Variants in CADM1 observed in about 807,000 individuals in gnomAD.
CADM1 encodes cell adhesion molecule 1.
Under a neutral mutation model 53.1 loss-of-function variants are expected in CADM1, and 15 were observed. The ratio of observed to expected loss-of-function variants is 0.28; its 90% CI spans 0.19 to 0.44. The LOEUF is 0.44. Among genes scored for constraint, CADM1 ranks in the 20% least tolerant of loss-of-function variants. The pLI, the probability that CADM1 is intolerant of heterozygous loss-of-function variation, is 1.00. For missense variants in CADM1, 434 were observed against 611.3 expected (o/e 0.71, Z 3.06); for synonymous variants, 281 against 243.0 (o/e 1.16, Z -1.45).
intron 1 of CADM1, among the ~76,000 whole-genome samples, chr11:115,490,392 A>ATTTTTTTTT (rs35633504): frequency 9.1e-6 from 1 of 109,330 alleles, no homozygotes; most frequent in Non-Finnish European, 1.8e-5. Flanking sequence ...GGAAGAACAG[A>ATTTTTTTTT]TTTTTTTTTT....
Position 115,169,738 on chromosome 11 carries a change from C to A in CADM1, c.*6736G>T. 1 of 419,090 alleles carries A rather than the reference C, an allele frequency of 2.4e-6. No individual in the cohort carries two copies. The highest frequency in any genetic ancestry group is 4.8e-6 in the Non-Finnish European group (1 of 208,764). The allele number at this position is 419,090 out of a possible 1,614,324, so 26.0% of individuals were successfully genotyped here. Reference sequence around the variant, plus strand: ...CCCTTCCATAGCAATACTTTTTAATCAGGTCTGCTGTGTCTGGGCAAACAG... The same window carrying A: ...CCCTTCCATAGCAATACTTTTTAATAAGGTCTGCTGTGTCTGGGCAAACAG... On this transcript the variant is annotated 3_prime_UTR_variant, in exon 12 of 12. Coordinates refer to ENST00000331581, the MANE Select transcript of CADM1 (RefSeq NM_001301043.2).
At chr11:115,232,007 T>TAAC (rs1160314850) in intron 3 of CADM1, among the ~76,000 whole-genome samples, 52 of 90,508 alleles carry the variant, frequency 5.7e-4, no homozygotes, top group South Asian at 1.4e-3. Context: ...ATAATAATAA[T>TAAC]AATAATAACA....
intron 1 of CADM1, among the ~76,000 whole-genome samples, chr11:115,444,790 C>T (rs1948412504): frequency 6.6e-6 from 1 of 152,168 alleles, no homozygotes; most frequent in Non-Finnish European, 1.5e-5. Context: ...CTCTCTTCCT[C>T]ATGTTTAAAA....
At chr11:115,470,898 T>G (rs1948996819) in intron 1 of CADM1, among the ~76,000 whole-genome samples, 1 of 152,192 alleles carries the variant, frequency 6.6e-6, no homozygotes, top group African/African-American at 2.4e-5. Context: ...AATCAATCAC[T>G]GGAAGAAGTG....
intron 1 of CADM1, among the ~76,000 whole-genome samples, chr11:115,253,343 G>A (rs574003262): frequency 3.9e-5 from 6 of 152,218 alleles, no homozygotes; most frequent in Non-Finnish European, 7.4e-5. Context: ...AAGCTATCAG[G>A]TATTGAGACC....
intron 1 of CADM1, among the ~76,000 whole-genome samples, chr11:115,290,256 G>A (rs1943852601): frequency 1.3e-5 from 2 of 152,158 alleles, no homozygotes; most frequent in Non-Finnish European, 2.9e-5. Context: ...TGAGGGGAAT[G>A]TTCATCTACG....
intron 1 of CADM1, among the ~76,000 whole-genome samples, chr11:115,484,044 G>A (rs1289220528): frequency 1.3e-5 from 2 of 152,136 alleles, no homozygotes. Context: ...ATCTCCTAAA[G>A]GTAACATGCA....
intron 1 of CADM1, among the ~76,000 whole-genome samples, chr11:115,413,397 TAAAC>T (rs1323270030): frequency 6.6e-6 from 1 of 152,308 alleles, no homozygotes; most frequent in Admixed American, 6.5e-5. Flanking sequence ...TAATAATTCT[TAAAC>T]AAAAATCAAA....
chr11:115,460,750 G>A (rs1212928707), intron 1 of CADM1, among the ~76,000 whole-genome samples: 1 of 151,300 alleles, frequency 6.6e-6, no homozygotes, highest in East Asian at 1.9e-4. Flanking sequence ...GGAGGTAAAA[G>A]TAACTTTATA....
intron 1 of CADM1, among the ~76,000 whole-genome samples, chr11:115,305,514 T>C (rs1944340617): frequency 6.6e-6 from 1 of 151,970 alleles, no homozygotes; most frequent in Non-Finnish European, 1.5e-5. Flanking sequence ...ATTCTCAATC[T>C]TTTCTCTCCT....
intron 1 of CADM1, among the ~76,000 whole-genome samples, chr11:115,405,851 A>G (rs1313681464): frequency 6.6e-6 from 1 of 152,192 alleles, no homozygotes; most frequent in Non-Finnish European, 1.5e-5. Context: ...TAAACAGTAA[A>G]TTCAGGATTA....
intron 1 of CADM1, among the ~76,000 whole-genome samples, chr11:115,248,616 T>C (rs563921272): frequency 1.6e-4 from 25 of 152,342 alleles, no homozygotes; most frequent in African/African-American, 5.5e-4. Context: ...ATCCTTTTGC[T>C]TTGCACACTG....
chr11:115,293,034 A>C (rs1454020861), intron 1 of CADM1, among the ~76,000 whole-genome samples: 1 of 152,192 alleles, frequency 6.6e-6, no homozygotes, highest in Non-Finnish European at 1.5e-5. Flanking sequence ...ACATTTACCA[A>C]ATGCTGCAGC....
intron 1 of CADM1, among the ~76,000 whole-genome samples, chr11:115,467,822 GA>G (rs532756548): frequency 8.6e-4 from 130 of 151,750 alleles, no homozygotes; most frequent in Non-Finnish European, 1.2e-3. Context: ...TTAAACAAAA[GA>G]AAAAAAATCC....
chr11:115,218,553 C>T (rs1941281381), intron 5 of CADM1, among the ~76,000 whole-genome samples: 2 of 152,120 alleles, frequency 1.3e-5, no homozygotes, highest in Non-Finnish European at 2.9e-5. Context: ...AGAAAAAATA[C>T]TGACATTTAC....
chr11:115,354,398 G>A (rs147084763), intron 1 of CADM1, among the ~76,000 whole-genome samples: 175 of 152,296 alleles, frequency 1.1e-3, no homozygotes, highest in African/African-American at 3.8e-3. Context: ...AACAGAGGAC[G>A]AAGCAACTTC....
At chr11:115,354,553 G>A (rs1203994628) in intron 1 of CADM1, among the ~76,000 whole-genome samples, 2 of 152,168 alleles carry the variant, frequency 1.3e-5, no homozygotes, top group Non-Finnish European at 2.9e-5. Context: ...ACTGCTTAAA[G>A]CCCTGATGGG....
chr11:115,215,221 A>AT (rs1368206010), intron 6 of CADM1, among the ~76,000 whole-genome samples: 2 of 152,216 alleles, frequency 1.3e-5, no homozygotes, highest in Non-Finnish European at 2.9e-5. Flanking sequence ...CTCTTGTGAT[A>AT]TTTAGATGGA....
intron 1 of CADM1, among the ~76,000 whole-genome samples, chr11:115,292,693 A>G (rs1410677135): frequency 6.6e-6 from 1 of 152,246 alleles, no homozygotes; most frequent in East Asian, 1.9e-4. Flanking sequence ...AGACATCAGC[A>G]TGCCCATTTT....
Sources: allele counts gnomAD v4.1 joint callset (sites outside exome capture counted in the v4.1 genomes callset), GRCh38; gene constraint gnomAD v4.1.1; transcripts MANE v1.5; gene names NCBI Gene and HGNC (gene_info 2026-07-23, HGNC 2026-07-21).